Variants in GABRG3 observed in about 807,000 individuals in gnomAD.
GABRG3 encodes gamma-aminobutyric acid receptor subunit gamma-3.
A neutral mutation model predicts 48.8 loss-of-function variants in GABRG3; 25 were observed. The ratio of observed to expected loss-of-function variants is 0.51; its 90% CI spans 0.37 to 0.72. The LOEUF (loss-of-function observed/expected upper bound fraction) is 0.72. GABRG3 is among the 30% of genes least tolerant of loss of function. The pLI is 0.00. For missense variants in GABRG3, 394 were observed against 577.9 expected (o/e 0.68, Z 3.26); for synonymous variants, 227 against 217.6 (o/e 1.04, Z -0.38).
chr15:27,399,499 T>C (rs2140585294), intron 5 of GABRG3, among the ~76,000 whole-genome samples: 1 of 152,312 alleles, frequency 6.6e-6, no homozygotes, highest in Admixed American at 6.5e-5. Context: ...TCCCCAGACA[T>C]ACCTAGTAAC....
chr15:27,374,138 C>CTTTTT (rs201839822), intron 5 of GABRG3, among the ~76,000 whole-genome samples: 22 of 91,618 alleles, frequency 2.4e-4, no homozygotes, highest in African/African-American at 3.8e-4. Flanking sequence ...TTCTTTTCTT[C>CTTTTT]TTTTTTTTTT....
At chr15:27,377,224 C>CA (rs1307842095) in intron 5 of GABRG3, among the ~76,000 whole-genome samples, 1 of 152,176 alleles carries the variant, frequency 6.6e-6, no homozygotes, top group Non-Finnish European at 1.5e-5. Context: ...GCATTTTTGT[C>CA]AAAGCTATTC....
Position 27,179,262 on chromosome 15 carries a change from C to T in GABRG3, c.271-147547C>T, listed in dbSNP as rs187297399. Among the ~76,000 whole-genome samples, 17 of 152,266 alleles carry T rather than the reference C, an allele frequency of 1.1e-4. No homozygotes were observed. The highest frequency in any genetic ancestry group is 3.9e-4 in the East Asian group (2 of 5,174). ...GTGATTTGCCATTTCAAACATGCCC[C>T]GCGTGGCAATCCACCTTCCCCTCAG... On this transcript the variant is annotated intron_variant, in intron 3 of 9. Coordinates refer to ENST00000615808, the MANE Select transcript of GABRG3 (RefSeq NM_033223.5). This position sits in a 1 kb window ranked among gnomAD's most constrained non-coding sequence, Gnocchi z 4.0.
At chr15:27,316,337 G>A (rs370802085) in intron 3 of GABRG3, among the ~76,000 whole-genome samples, 79 of 139,844 alleles carry the variant, frequency 5.6e-4, no homozygotes, top group African/African-American at 2.1e-3. Context: ...GCAGTGAGCC[G>A]AGATCCCGCC....
At chr15:27,122,564 A>G (rs1413428367) in intron 3 of GABRG3, among the ~76,000 whole-genome samples, 2 of 152,242 alleles carry the variant, frequency 1.3e-5, no homozygotes, top group Non-Finnish European at 1.5e-5. Flanking sequence ...TTGGTAAAAA[A>G]TAAAAGCAAT....
chr15:27,211,053 T>C (rs976284883), intron 3 of GABRG3, among the ~76,000 whole-genome samples: 4 of 152,216 alleles, frequency 2.6e-5, no homozygotes, highest in South Asian at 2.1e-4. Context: ...AGTAGATTTT[T>C]GTCATTGTAG....
intron 5 of GABRG3, among the ~76,000 whole-genome samples, chr15:27,446,749 G>C (rs1366982971): frequency 6.6e-6 from 1 of 152,146 alleles, no homozygotes; most frequent in East Asian, 1.9e-4. Context: ...GTGTGCTCAA[G>C]TATTACTAGG....
At chr15:27,313,521 C>T (rs1257108325) in intron 3 of GABRG3, among the ~76,000 whole-genome samples, 1 of 151,186 alleles carries the variant, frequency 6.6e-6, no homozygotes, top group Non-Finnish European at 1.5e-5. Flanking sequence ...CACCCAACGG[C>T]AGCAGAATCT....
At chr15:27,245,800 G>A (rs559500122) in intron 3 of GABRG3, among the ~76,000 whole-genome samples, 2 of 152,196 alleles carry the variant, frequency 1.3e-5, no homozygotes, top group South Asian at 2.1e-4. Context: ...TTGAACCTGG[G>A]AGGCGGAGGT....
intron 3 of GABRG3, among the ~76,000 whole-genome samples, chr15:27,109,000 C>T (rs1040648894): frequency 2.0e-5 from 3 of 152,010 alleles, no homozygotes; most frequent in Non-Finnish European, 2.9e-5. Flanking sequence ...CTCTTAGCTT[C>T]GTTTCTCTTT....
chr15:27,079,434 C>T (rs1896957682), intron 3 of GABRG3, among the ~76,000 whole-genome samples: 1 of 152,090 alleles, frequency 6.6e-6, no homozygotes, highest in African/African-American at 2.4e-5. Flanking sequence ...AACAGATAAT[C>T]ACTGTGATTT....
At chr15:27,398,316 G>A (rs904648588) in intron 5 of GABRG3, among the ~76,000 whole-genome samples, 3 of 152,058 alleles carry the variant, frequency 2.0e-5, no homozygotes, top group Non-Finnish European at 4.4e-5. Context: ...TTCAGAGGTG[G>A]AGCTGAAGAA....
intron 6 of GABRG3, among the ~76,000 whole-genome samples, chr15:27,497,580 T>C (rs1415673323): frequency 6.6e-6 from 1 of 152,248 alleles, no homozygotes; most frequent in Non-Finnish European, 1.5e-5. Context: ...GAGAAAATTT[T>C]ATTTTAAAAA....
intron 5 of GABRG3, chr15:27,350,269 C>T (rs1894517160): frequency 2.3e-6 from 1 of 443,146 alleles, no homozygotes; most frequent in Non-Finnish European, 4.6e-6. Flanking sequence ...GTTGCATTTG[C>T]CTCCATGGGG....
At chr15:27,454,726 C>T (rs554796574) in intron 5 of GABRG3, among the ~76,000 whole-genome samples, 3 of 152,316 alleles carry the variant, frequency 2.0e-5, no homozygotes, top group African/African-American at 7.2e-5. Flanking sequence ...TCCATTCATG[C>T]ATTTCAGTCC....
chr15:27,156,334 A>C (rs1167995962), intron 3 of GABRG3, among the ~76,000 whole-genome samples: 1 of 150,908 alleles, frequency 6.6e-6, no homozygotes, highest in Non-Finnish European at 1.5e-5. Flanking sequence ...AAGAAATAGA[A>C]GTATTCTGTC....
intron 3 of GABRG3, among the ~76,000 whole-genome samples, chr15:27,224,446 A>G (rs190195095): frequency 1.3e-5 from 2 of 152,320 alleles, no homozygotes; most frequent in African/African-American, 2.4e-5. Context: ...CCCAGGAAGC[A>G]GGTCCTCACC....
rs149551736 is a variant in GABRG3, at chr15:27,098,725, A to G, written c.270+71904A>G. Among the ~76,000 whole-genome samples the G allele has an allele frequency of 4.9e-3, 753 of 152,262 alleles. 4 individuals are homozygous for G. Among genetic ancestry groups the G allele is most frequent in the Non-Finnish European group, 8.8e-3 (599 of 68,024 alleles). On this transcript the variant is annotated intron_variant, in intron 3 of 9. Transcript: ENST00000615808. ...TAAATTAGAAATTCTTGCAGAATTC[A>G]TATGTGGCAAATTATCATATGGAAA...
intron 3 of GABRG3, among the ~76,000 whole-genome samples, chr15:27,172,072 C>A (rs2140411343): frequency 6.6e-6 from 1 of 152,250 alleles, no homozygotes; most frequent in South Asian, 2.1e-4. Flanking sequence ...ATGATCATGG[C>A]ATGAATCCAT....
Sources: gnomAD v4.1 joint callset for allele counts (sites outside exome capture counted in the v4.1 genomes callset) on GRCh38, gnomAD v4.1.1 for gene constraint, Gnocchi (gnomAD v3.1) non-coding constraint, MANE v1.5 for transcripts, NCBI Gene and HGNC (gene_info 2026-07-23, HGNC 2026-07-21) for gene names.